Variants in COL7A1 observed in about 807,000 individuals in gnomAD.
The protein encoded by COL7A1 is collagen alpha-1(VII) chain.
COL7A1 carries 296 observed loss-of-function variants against 456.2 expected under a neutral mutation model. The ratio of observed to expected loss-of-function variants is 0.65; its 90% CI spans 0.59 to 0.71. The LOEUF (loss-of-function observed/expected upper bound fraction) is 0.71, where lower values mean the gene tolerates loss of function less well. COL7A1 is among the 30% of genes least tolerant of loss of function. COL7A1 has a pLI of 0.00. For synonymous variants in COL7A1, 1,464 were observed against 1,525.9 expected (o/e 0.96, Z 0.95); for missense variants, 3,441 against 4,017.2 (o/e 0.86, Z 3.88).
At position 48,582,023 on chromosome 3, in the gene COL7A1, A is replaced by G. The variant is rs1332524917; in HGVS notation, c.4636-80T>C. ...AAGTCTTCATTGGAATGGAGGTCACATGGAATTGGAAGTCATACAGCTCAG... is the reference window on the plus strand; with the variant it reads ...AAGTCTTCATTGGAATGGAGGTCACGTGGAATTGGAAGTCATACAGCTCAG... On this transcript the variant is annotated intron_variant, in intron 47 of 118. Coordinates refer to ENST00000681320, the MANE Select transcript of COL7A1 (RefSeq NM_000094.4). The G allele has an allele frequency of 3.1e-6, 5 of 1,593,544 alleles. No homozygotes were observed. In the Admixed American group the frequency reaches 8.3e-5, roughly 27 times the overall value.
At position 48,594,894 on chromosome 3, in the gene COL7A1, C is replaced by A. The variant is rs938319188; in HGVS notation, c.85+181G>T. ...ATTTGGGTAGGAACAGGATAGGAGG[C>A]GGTTTAGGGAACCCAGCACCGATCG... On this transcript the variant is annotated intron_variant, in intron 2 of 118. Transcript: ENST00000681320. This position sits in a 1 kb window ranked among gnomAD's most constrained non-coding sequence, Gnocchi z 5.5. 6.6e-6 allele frequency among the ~76,000 whole-genome samples: 1 copy of A among 152,014 alleles called. No homozygotes were observed. Among genetic ancestry groups the A allele is most frequent in the African/African-American group, 2.4e-5 (1 of 41,384 alleles).
At position 48,565,676 on chromosome 3, in the gene COL7A1, G is replaced by GGGCAGAGAGGGATAGAGAGACAAT. The variant is rs1449605841; in HGVS notation, c.8408-32_8408-9dup. ...TGAACTGGCCCTGGCAGGCTAGAGGGGGCAGAGAGGGATAGAGAGACAATG... is the reference window on the plus strand; with the variant it reads ...TGAACTGGCCCTGGCAGGCTAGAGGGGGCAGAGAGGGATAGAGAGACAATGGCAGAGAGGGATAGAGAGACAATG... On this transcript the variant is annotated splice_polypyrimidine_tract_variant and intron_variant, in intron 114 of 118. Transcript: ENST00000681320. This position sits in a 1 kb window ranked among gnomAD's most constrained non-coding sequence, Gnocchi z 4.5. 3.1e-6 allele frequency: 5 copies of GGGCAGAGAGGGATAGAGAGACAAT among 1,611,920 alleles called. No homozygotes were observed. Among genetic ancestry groups the GGGCAGAGAGGGATAGAGAGACAAT allele is most frequent in the Non-Finnish European group, 4.2e-6 (5 of 1,179,096 alleles).
Position 48,576,273 on chromosome 3 carries a change from C to T in COL7A1, c.5796G>A (p.Leu1932=). 1 of 1,613,846 alleles carries T rather than the reference C, an allele frequency of 6.2e-7. No individual in the cohort carries two copies. The highest frequency in any genetic ancestry group is 8.5e-7 in the Non-Finnish European group (1 of 1,180,008). ...CCGGCACACTTCCAGGCTCTCCTCG[C>T]AGGCCACGCTCTCCAGGGAGGCCCT... ...GEQGLPGERG[L]RGEPGSVPNV... Residue 1932 remains leucine (L), a synonymous_variant, in exon 71 of 119, where the codon CTG becomes CTA. Coordinates refer to ENST00000681320, the MANE Select transcript of COL7A1 (RefSeq NM_000094.4).
At position 48,589,723 on chromosome 3, in the gene COL7A1, T is replaced by C. The variant is rs775400801; in HGVS notation, c.2051-5A>G. On this transcript the variant is annotated splice_polypyrimidine_tract_variant and splice_region_variant and intron_variant, in intron 16 of 118. Coordinates refer to ENST00000681320, the MANE Select transcript of COL7A1 (RefSeq NM_000094.4). ...TCCTCACTGGGCCCAGTGGGTCTAGTGGGGAGAGGCAATGGGGAGTCTGCT... is the reference window on the plus strand; with the variant it reads ...TCCTCACTGGGCCCAGTGGGTCTAGCGGGGAGAGGCAATGGGGAGTCTGCT... 6.2e-7 allele frequency: 1 copy of C among 1,613,476 alleles called. No homozygotes were observed. The highest frequency in any genetic ancestry group is 8.5e-7 in the Non-Finnish European group (1 of 1,179,902).
Position 48,575,698 on chromosome 3 carries a change from G to A in COL7A1, c.5907C>T (p.Ser1969=), listed in dbSNP as rs752440706. 3 of 1,613,754 alleles carry A rather than the reference G, an allele frequency of 1.9e-6. No homozygotes were observed. The highest frequency in any genetic ancestry group is 2.5e-6 in the Non-Finnish European group (3 of 1,180,032). ...IVETWDESSG[S]FLPVPERRRG... is the part of the protein sequence containing the mutation. The stretch of plus-strand genomic sequence containing the variant: ...GACGCCGTTCGGGCACAGGCAGGAA[G>A]CTACCAGAGCTCTCATCCCAGGTCT... Residue 1969 remains serine (S), a synonymous_variant, in exon 73 of 119, where the codon AGC becomes AGT. Transcript: ENST00000681320. The surrounding 1 kb of genome is among the most constrained non-coding windows in gnomAD (Gnocchi z 6.3).
Position 48,574,947 on chromosome 3 carries a change from G to A in COL7A1, c.6280-82C>T. ...CATCACAGATCTCAGGATCACAGAG[G>A]GTTATAGGGTCAGAAATTCCAGGGT... On this transcript the variant is annotated intron_variant, in intron 76 of 118. Coordinates refer to ENST00000681320, the MANE Select transcript of COL7A1 (RefSeq NM_000094.4). This position sits in a 1 kb window ranked among gnomAD's most constrained non-coding sequence, Gnocchi z 5.0. The A allele has an allele frequency of 6.3e-7, 1 of 1,584,098 alleles. No homozygotes were observed. The highest frequency in any genetic ancestry group is 1.1e-5 in the South Asian group (1 of 89,994).
Position 48,587,516 on chromosome 3 carries a change from C to T in COL7A1, c.2896G>A (p.Asp966Asn). ...RVPSIELRVV[D>N]TSIDSVTLAW... is the part of the protein sequence containing the mutation. The stretch of plus-strand genomic sequence containing the variant: ...AAAGTCACCGAGTCGATCGAGGTGT[C>T]CACCACACGTAGTTCAATGCTTGGA... Residue 966 changes from aspartate to asparagine, a missense_variant, in exon 23 of 119, where the codon GAC (aspartate) becomes AAC (asparagine). This residue lies in a region of COL7A1 where 444 missense variants were observed against 427.6 expected (regional missense o/e 1.04). Coordinates refer to ENST00000681320, the MANE Select transcript of COL7A1 (RefSeq NM_000094.4). This position sits in a 1 kb window ranked among gnomAD's most constrained non-coding sequence, Gnocchi z 6.1. The T allele has an allele frequency of 6.2e-7, 1 of 1,613,468 alleles. No homozygotes were observed. Among genetic ancestry groups the T allele is most frequent in the Non-Finnish European group, 8.5e-7 (1 of 1,180,028 alleles).
chr3:48,582,038 A>G, intron 47 of COL7A1, 95 bp from the exon 48 acceptor site: 1 of 1,561,564 alleles, frequency 6.4e-7, no homozygotes, highest in Non-Finnish European at 8.8e-7. Flanking sequence ...ATTGGAAGTC[A>G]TACAGCTCAG....
Position 48,585,218 on chromosome 3 carries a change from G to A in COL7A1, c.3895-102C>T. On this transcript the variant is annotated intron_variant, in intron 32 of 118. Transcript: ENST00000681320. The surrounding 1 kb of genome is among the most constrained non-coding windows in gnomAD (Gnocchi z 4.5). ...TCAACAAGGGGTCGCCTACCCCACT[G>A]ACCCCCAAGTGTTATTGGGGGTGGA... The A allele has an allele frequency of 8.7e-7, 1 of 1,155,036 alleles. No individual in the cohort carries two copies. Among genetic ancestry groups the A allele is most frequent in the Non-Finnish European group, 1.3e-6 (1 of 794,954 alleles). 71.5% of individuals were successfully genotyped at this position (1,155,036 alleles called of 1,614,324 possible).
Position 48,570,171 on chromosome 3 carries a change from T to C in COL7A1, c.7448A>G (p.Asp2483Gly). The change falls in exon 99 of 119, where the codon GAT (aspartate) becomes GGT (glycine). Residue 2483 changes from aspartate (D) to glycine (G), a missense_variant. By Grantham distance (94) the Asp-to-Gly change is moderately conservative. Around this residue, in one of 3 missense-constraint regions of COL7A1, gnomAD observed 2,084 missense variants for 2,501.3 expected, o/e 0.83. Transcript: ENST00000681320. The surrounding 1 kb of genome is among the most constrained non-coding windows in gnomAD (Gnocchi z 5.5). ...ERGEPGIRGEDGRPGQEGPRG... is the reference protein window; with the variant it reads ...ERGEPGIRGEGGRPGQEGPRG... ...GGGTCCCTCCTGGCCGGGGCGGCCA[T>C]CTTCACCCTGGATGGTGACATTAGG... is the stretch of plus-strand genomic sequence containing the variant. 1 of 1,614,138 alleles carries C rather than the reference T, an allele frequency of 6.2e-7. No homozygotes were observed. Among genetic ancestry groups the C allele is most frequent in the Non-Finnish European group, 8.5e-7 (1 of 1,180,016 alleles).
Position 48,582,253 on chromosome 3 carries a change from T to TA in COL7A1, c.4635+69dup, listed in dbSNP as rs2044815582. 4 of 1,611,054 alleles carry TA rather than the reference T, an allele frequency of 2.5e-6. No individual in the cohort carries two copies. The East Asian group carries it at 6.7e-5, about 27-fold the overall frequency. The stretch of plus-strand genomic sequence containing the variant: ...CAGCACTGTGGAATCACAGCCCAGA[T>TA]AGTGTTCTATAGGAGGGTCACTGCT... On this transcript the variant is annotated intron_variant, in intron 47 of 118. Transcript: ENST00000681320.
At position 48,586,152 on chromosome 3, in the gene COL7A1, G is replaced by T; in HGVS notation, c.3645C>A (p.Ala1215=). The change falls in exon 28 of 119, where the codon GCC becomes GCA. Residue 1215 remains alanine (A), a synonymous_variant. Transcript: ENST00000681320. The surrounding 1 kb of genome is among the most constrained non-coding windows in gnomAD (Gnocchi z 5.1). ...GGTCCAGGCTTGGCCCATCATCCAC[G>T]GCGAAGAAGGTCTGGACAGAGTCCA... The part of the protein sequence containing the change: ...PGMDSVQTFF[A]VDDGPSLDQA... 2 of 1,613,294 alleles carry T rather than the reference G, an allele frequency of 1.2e-6. No individual in the cohort carries two copies. The highest frequency in any genetic ancestry group is 1.7e-6 in the Non-Finnish European group (2 of 1,180,036).
At position 48,583,482 on chromosome 3, in the gene COL7A1, A is replaced by G; in HGVS notation, c.4402-54T>C. The G allele has an allele frequency of 2.5e-6, 4 of 1,613,860 alleles. No homozygotes were observed. Among genetic ancestry groups the G allele is most frequent in the Non-Finnish European group, 3.4e-6 (4 of 1,179,854 alleles). On this transcript the variant is annotated intron_variant, in intron 41 of 118. Transcript: ENST00000681320. This position sits in a 1 kb window ranked among gnomAD's most constrained non-coding sequence, Gnocchi z 5.1. ...GATTTGGGTTTGGGCATGAGGATGG[A>G]GCAGTGGTTGATGATTGAGGTAGGG... is the stretch of plus-strand genomic sequence containing the variant.
At position 48,592,580 on chromosome 3, in the gene COL7A1, T is replaced by C. The variant is rs778628467; in HGVS notation, c.966A>G (p.Thr322=). 2.5e-6 allele frequency: 4 copies of C among 1,613,860 alleles called. No homozygotes were observed. The Admixed American group carries it at 6.7e-5, about 27-fold the overall frequency. ...ANSIGEAVSG[T]ARTTALEGPE... ...GGCAGAATTGCTCACTGGTCCGAGC[T>C]GTCCCGCTCACAGCCTCCCCGATGC... The change falls in exon 8 of 119, where the codon ACA becomes ACG. Residue 322 remains threonine, a synonymous_variant. Coordinates refer to ENST00000681320, the MANE Select transcript of COL7A1 (RefSeq NM_000094.4). The surrounding 1 kb of genome is among the most constrained non-coding windows in gnomAD (Gnocchi z 7.6).
chr3:48,575,626 C>T lies in COL7A1; in HGVS notation c.5979G>A (p.Glu1993=). 2 of 1,613,324 alleles carry T rather than the reference C, an allele frequency of 1.2e-6. No homozygotes were observed. The highest frequency in any genetic ancestry group is 1.7e-6 in the Non-Finnish European group (2 of 1,180,032). The change falls in exon 73 of 119, where the codon GAG becomes GAA. Residue 1993 remains glutamate (E), a splice_region_variant and synonymous_variant. Coordinates refer to ENST00000681320, the MANE Select transcript of COL7A1 (RefSeq NM_000094.4). This position sits in a 1 kb window ranked among gnomAD's most constrained non-coding sequence, Gnocchi z 6.3. ...AACCCACTGAGCCACTTCTGCTCAC[C>T]TCCTTGCCTGGGGGGCCCTGTTCGC... is the stretch of plus-strand genomic sequence containing the variant. ...DSGEQGPPGK[E]GPIGFPGERG...
Position 48,590,682 on chromosome 3 carries a change from C to G in COL7A1, c.1771G>C (p.Val591Leu). Reference sequence around the variant, plus strand: ...CTCCTGCAGTACTCACCCCGGCGGACAGTGAGGACACTGGCACTGCCCTCA... The same window carrying G: ...CTCCTGCAGTACTCACCCCGGCGGAGAGTGAGGACACTGGCACTGCCCTCA... ...PREGSASVLTVRREPETPLAV... is the reference protein window; with the variant it reads ...PREGSASVLTLRREPETPLAV... Residue 591 changes from valine to leucine, a missense_variant, in exon 14 of 119, where the codon GTC becomes CTC. This residue lies in a region of COL7A1 where 913 missense variants were observed against 1,088.2 expected (regional missense o/e 0.84). Transcript: ENST00000681320. This position sits in a 1 kb window ranked among gnomAD's most constrained non-coding sequence, Gnocchi z 4.6. 1.2e-6 allele frequency: 2 copies of G among 1,614,040 alleles called. No individual in the cohort carries two copies. The highest frequency in any genetic ancestry group is 1.7e-6 in the Non-Finnish European group (2 of 1,180,032).
chr3:48,579,987 A>C lies in COL7A1; in HGVS notation c.5124+44T>G. 1 of 1,613,848 alleles carries C rather than the reference A, an allele frequency of 6.2e-7. No homozygotes were observed. The highest frequency in any genetic ancestry group is 8.5e-7 in the Non-Finnish European group (1 of 1,179,788). On this transcript the variant is annotated intron_variant, in intron 57 of 118. Coordinates refer to ENST00000681320, the MANE Select transcript of COL7A1 (RefSeq NM_000094.4). The surrounding 1 kb of genome is among the most constrained non-coding windows in gnomAD (Gnocchi z 4.4). ...GGACATGATGTGGAGCCAAAGGGGC[A>C]AGTGAGAACAATGACAGAGGACCAG...
chr3:48,580,894 C>A lies in COL7A1; in HGVS notation c.4968G>T (p.Glu1656Asp), dbSNP rs779192809. 1 of 1,614,018 alleles carries A rather than the reference C, an allele frequency of 6.2e-7. No individual in the cohort carries two copies. The highest frequency in any genetic ancestry group is 1.3e-5 in the African/African-American group (1 of 74,908). Residue 1656 changes from glutamate (E) to aspartate (D), a missense_variant, in exon 54 of 119, where the codon GAG becomes GAT. Physicochemically the swap from Glu to Asp is conservative, Grantham distance 45. Transcript: ENST00000681320. The surrounding 1 kb of genome is among the most constrained non-coding windows in gnomAD (Gnocchi z 4.5). ...GDPGLPGKAG[E>D]RGLRGAPGVR... Reference sequence around the variant, plus strand: ...TGCCAAGACTCACCCGAAGGCCACGCTCGCCTGCTTTTCCAGGCAAACCCG... The same window carrying A: ...TGCCAAGACTCACCCGAAGGCCACGATCGCCTGCTTTTCCAGGCAAACCCG...
rs199936185 is a variant in COL7A1, at chr3:48,567,143, G to A, written c.8094C>T (p.Gly2698=). ...DGQPGPKGDQ[G]EKGERGTPGI... ...TTCAACTCACCCGCTCCCCTTTCTC[G>A]CCCTGGTCACCCTTGGGGCCTGGCT... The change falls in exon 110 of 119, where the codon GGC becomes GGT. Residue 2698 remains glycine, a synonymous_variant. Transcript: ENST00000681320. The surrounding 1 kb of genome is among the most constrained non-coding windows in gnomAD (Gnocchi z 4.3). 305 of 1,613,838 alleles carry A rather than the reference G, an allele frequency of 1.9e-4. 1 individual carries two copies. The East Asian group carries it at 4.1e-3, about 22-fold the overall frequency.
Sources: gnomAD v4.1 joint callset for allele counts (sites outside exome capture counted in the v4.1 genomes callset) on GRCh38, gnomAD v4.1.1 for gene constraint, gnomAD v4.1.1 regional missense constraint, Gnocchi (gnomAD v3.1) non-coding constraint, MANE v1.5 for transcripts, NCBI Gene and HGNC (gene_info 2026-07-23, HGNC 2026-07-21) for gene names.